Variants in NCMAP observed in about 807,000 individuals in gnomAD.
The protein encoded by NCMAP is noncompact myelin-associated protein.
In NCMAP, 8 loss-of-function variants were observed where a neutral mutation model predicts 7.8. The ratio of observed to expected loss-of-function variants is 1.02; its 90% confidence interval spans 0.60 to 1.84. NCMAP has a LOEUF of 1.84. Ranked by LOEUF, NCMAP falls within the 40% of genes most tolerant of loss-of-function variation. The pLI, the probability that NCMAP is intolerant of heterozygous loss-of-function variation, is 0.00. For missense variants in NCMAP, 112 were observed against 131.4 expected (o/e 0.85, Z 0.72); for synonymous variants, 41 against 52.9 (o/e 0.78, Z 0.98).
At chr1:24,562,614 ACT>A (rs1335909722) in intron 1 of NCMAP, among the ~76,000 whole-genome samples, 2 of 152,150 alleles carry the variant, frequency 1.3e-5, no homozygotes, top group African/African-American at 4.8e-5. Flanking sequence ...CTTCAGGGAA[ACT>A]CACCTGCTTC....
chr1:24,563,601 A>C (rs1651125904), intron 1 of NCMAP: 1 of 152,014 alleles, frequency 6.6e-6, no homozygotes, highest in African/African-American at 2.4e-5. Context: ...AATCTTTGTG[A>C]CTCTCACAAG....
At chr1:24,568,957 C>A (rs1027513275) in intron 1 of NCMAP, among the ~76,000 whole-genome samples, 1 of 152,002 alleles carries the variant, frequency 6.6e-6, no homozygotes, top group African/African-American at 2.4e-5. Context: ...CCAGAGCATG[C>A]TAGTTTCTTA....
intron 1 of NCMAP, among the ~76,000 whole-genome samples, chr1:24,580,656 T>TTG (rs573655211): frequency 3.0e-4 from 46 of 152,210 alleles, no homozygotes; most frequent in Admixed American, 2.6e-3. Flanking sequence ...TCACCATGTT[T>TTG]TGTCAAGTTC....
At chr1:24,591,421 C>T (rs772777518) in intron 1 of NCMAP, among the ~76,000 whole-genome samples, 8 of 152,216 alleles carry the variant, frequency 5.3e-5, no homozygotes, top group Non-Finnish European at 8.8e-5. Context: ...GCGTGCACCA[C>T]CACAAGCGGC....
intron 1 of NCMAP, among the ~76,000 whole-genome samples, chr1:24,569,719 T>C (rs1651335060): frequency 1.3e-5 from 2 of 150,594 alleles, no homozygotes; most frequent in Non-Finnish European, 2.9e-5. Context: ...TGGCATGGAA[T>C]GAAATGAGTT....
chr1:24,561,000 G>T (rs1358386107), intron 1 of NCMAP, among the ~76,000 whole-genome samples: 1 of 151,760 alleles, frequency 6.6e-6, no homozygotes, highest in African/African-American at 2.4e-5. Flanking sequence ...CCTGAGCCTG[G>T]GGCGATTTTG....
intron 1 of NCMAP, among the ~76,000 whole-genome samples, chr1:24,579,018 G>A (rs74616998): frequency 0.16 from 23,814 of 152,098 alleles, 2,404 homozygotes; most frequent in East Asian, 0.4. Flanking sequence ...CAGTCAGGCT[G>A]GTTACCCGCA....
intron 1 of NCMAP, among the ~76,000 whole-genome samples, chr1:24,565,184 C>A (rs949329455): frequency 1.3e-5 from 2 of 148,444 alleles, no homozygotes; most frequent in African/African-American, 2.5e-5. Context: ...TAGAGGCTCC[C>A]AAAATACTGC....
At chr1:24,564,382 C>T (rs566179163) in intron 1 of NCMAP, among the ~76,000 whole-genome samples, 6 of 151,540 alleles carry the variant, frequency 4.0e-5, no homozygotes, top group African/African-American at 7.3e-5. Flanking sequence ...TGGTGGTGGG[C>T]GCCTGTAATT....
chr1:24,581,538 G>A (rs1224133507), intron 1 of NCMAP, among the ~76,000 whole-genome samples: 4 of 152,214 alleles, frequency 2.6e-5, no homozygotes, highest in Non-Finnish European at 5.9e-5. Flanking sequence ...GTGTTCAGTA[G>A]CCTAGAGAAA....
Position 24,569,448 on chromosome 1 carries a change from C to T in NCMAP, c.-8+13279C>T, listed in dbSNP as rs1363628578. Among the ~76,000 whole-genome samples, 3 of 150,636 alleles carry T rather than the reference C, an allele frequency of 2.0e-5. 1 individual carries two copies. Among genetic ancestry groups the T allele is most frequent in the African/African-American group, 7.5e-5 (3 of 39,948 alleles). On this transcript the variant is annotated intron_variant, in intron 1 of 3. Coordinates refer to ENST00000374392, the MANE Select transcript of NCMAP (RefSeq NM_001010980.5). Reference sequence around the variant, plus strand: ...ACCCCCTCCTCCCCAGACTTCACTCCCATTGTTCTTCCCAGCTAGACTGGC... The same window carrying T: ...ACCCCCTCCTCCCCAGACTTCACTCTCATTGTTCTTCCCAGCTAGACTGGC...
intron 2 of NCMAP, among the ~76,000 whole-genome samples, chr1:24,599,077 C>A (rs1652362455): frequency 6.6e-6 from 1 of 150,864 alleles, no homozygotes; most frequent in Admixed American, 6.6e-5. Flanking sequence ...GTCAGCAGTT[C>A]AAGACCAGCC....
At chr1:24,594,461 A>T (rs1652151892) in intron 1 of NCMAP, among the ~76,000 whole-genome samples, 1 of 152,142 alleles carries the variant, frequency 6.6e-6, no homozygotes. Context: ...GCTCAGTAGG[A>T]GGGTGTAGAT....
intron 1 of NCMAP, among the ~76,000 whole-genome samples, chr1:24,591,891 G>A (rs1379771944): frequency 6.6e-6 from 1 of 152,248 alleles, no homozygotes; most frequent in Non-Finnish European, 1.5e-5. Flanking sequence ...CTGACCCTGT[G>A]AAGCCCCCGG....
At chr1:24,575,074 GC>G (rs1369955670) in intron 1 of NCMAP, among the ~76,000 whole-genome samples, 2 of 152,016 alleles carry the variant, frequency 1.3e-5, no homozygotes, top group African/African-American at 4.8e-5. Context: ...ACAAGCATAA[GC>G]CACCACACCT....
chr1:24,577,057 G>A (rs1298851441), intron 1 of NCMAP, among the ~76,000 whole-genome samples: 3 of 152,122 alleles, frequency 2.0e-5, no homozygotes. Flanking sequence ...AGCATCACAT[G>A]AATCCAGGAG....
chr1:24,557,588 GA>G (rs1650937311), intron 1 of NCMAP, among the ~76,000 whole-genome samples: 1 of 152,194 alleles, frequency 6.6e-6, no homozygotes, highest in African/African-American at 2.4e-5. Flanking sequence ...GATGGGGCAG[GA>G]ACTCTAGGTA....
rs2148922886 is a variant in NCMAP at position 24,556,120 on chromosome 1, T to C, written c.-57T>C. On this transcript the variant is annotated 5_prime_UTR_variant, in exon 1 of 4. Coordinates refer to ENST00000374392, the MANE Select transcript of NCMAP (RefSeq NM_001010980.5). ...GCCGGGCGGCGGCGGGGACCCTGGC[T>C]GGGAGCGCGGCGGTGCCGGCGGGAG... 1 of 153,020 alleles carries C rather than the reference T, an allele frequency of 6.5e-6. No homozygotes were observed. Among genetic ancestry groups the C allele is most frequent in the East Asian group, 1.9e-4 (1 of 5,170 alleles). The allele number at this position is 153,020 out of a possible 1,614,324, so 9.5% of individuals were successfully genotyped here. A position where few individuals can be genotyped will look rare whatever the true frequency, so the allele number is the denominator to read the frequency against.
At chr1:24,558,497 C>G (rs1284420970) in intron 1 of NCMAP, among the ~76,000 whole-genome samples, 1 of 152,200 alleles carries the variant, frequency 6.6e-6, no homozygotes, top group Non-Finnish European at 1.5e-5. Flanking sequence ...TTTGTACCTC[C>G]ACCCTTTCTC....
Sources: gnomAD v4.1 joint callset for allele counts (sites outside exome capture counted in the v4.1 genomes callset) on GRCh38, gnomAD v4.1.1 for gene constraint, MANE v1.5 for transcripts, NCBI Gene and HGNC (gene_info 2026-07-23, HGNC 2026-07-21) for gene names.